The following ILDR2 variants were observed in gnomAD, a reference collection of about 807,000 sequenced individuals.
The protein encoded by ILDR2 is immunoglobulin-like domain-containing receptor 2.
In ILDR2, 25 loss-of-function variants were observed where a neutral mutation model predicts 66.8. The observed-to-expected ratio is 0.37, with a 90% CI of 0.27 to 0.52. The LOEUF (loss-of-function observed/expected upper bound fraction) is 0.52. Among genes scored for constraint, ILDR2 ranks in the 20% least tolerant of loss-of-function variants. ILDR2 has a pLI of 0.88. For synonymous variants in ILDR2, 367 were observed against 357.2 expected (o/e 1.03, Z -0.31); for missense variants, 827 against 876.8 (o/e 0.94, Z 0.72).
chr1:166,905,258 G>A (rs1245935374), downstream of ILDR2, among the ~76,000 whole-genome samples: 2 of 152,050 alleles, frequency 1.3e-5, no homozygotes, highest in South Asian at 4.1e-4. Context: ...ACGGTCAGCT[G>A]GCTCCATGTA....
rs146544194 is a variant in ILDR2, at chr1:166,957,921, C to T, written c.227G>A (p.Arg76Gln). ...GTTTCTCTTGCTGAGAGATTGGGCC[C>T]GGGTAGAGGACATGCCCAAGGATTC... ...MGESLGMSST[R>Q]AQSLSKRNLE... The change falls in exon 2 of 10, where the codon CGG becomes CAG. Residue 76 changes from arginine to glutamine, a missense_variant. Transcript: ENST00000271417. 2.9e-5 allele frequency: 47 copies of T among 1,614,138 alleles called. No homozygotes were observed. Among genetic ancestry groups the T allele is most frequent in the East Asian group, 6.7e-5 (3 of 44,866 alleles).
At chr1:166,922,933 TGGGTTGTA>T (rs1660045717) in intron 7 of ILDR2, 124 bp from the exon 8 acceptor site, 1 of 797,024 alleles carries the variant, frequency 1.3e-6, no homozygotes, top group Admixed American at 2.1e-5. Context: ...CTGTCCAGGG[TGGGTTGTA>T]AGCCTGAACT....
At chr1:166,899,645 T>C (rs1659229254) in intron 2 of ILDR2, among the ~76,000 whole-genome samples, 1 of 152,188 alleles carries the variant, frequency 6.6e-6, no homozygotes, top group Non-Finnish European at 1.5e-5. Flanking sequence ...TTTCAGAAAA[T>C]CAAATATTTC....
rs1205056070 is a variant in ILDR2 at position 166,910,562 on chromosome 1, T to C, written c.*8793A>G. ...AGTCACTCTCTTGGATGTGTGCCACTAGATGGCGTGTCAGACCAACTCACT... is the reference window on the plus strand; with the variant it reads ...AGTCACTCTCTTGGATGTGTGCCACCAGATGGCGTGTCAGACCAACTCACT... On this transcript the variant is annotated 3_prime_UTR_variant, in exon 10 of 10. Transcript: ENST00000271417. 1.3e-5 allele frequency: 2 copies of C among 152,344 alleles called. No homozygotes were observed. The highest frequency in any genetic ancestry group is 6.5e-5 in the Admixed American group (1 of 15,300). The allele number at this position is 152,344 out of a possible 1,614,324, so 9.4% of individuals were successfully genotyped here. A position where few individuals can be genotyped will look rare whatever the true frequency, so the allele number is the denominator to read the frequency against.
In ILDR2 at chr1:166,923,759, T is replaced by A. The variant is rs559938372; in HGVS notation, c.995-950A>T. 8.9e-4 allele frequency among the ~76,000 whole-genome samples: 135 copies of A among 152,258 alleles called. 3 individuals carry two copies. The highest frequency in any genetic ancestry group is 3.3e-4 in the Admixed American group (5 of 15,304). On this transcript the variant is annotated intron_variant, in intron 7 of 9. Transcript: ENST00000271417. ...GAATCACAGTCTGGAAAGGAAAAAA[T>A]AAACAAAAACTCAACTATTTATTTA...
At chr1:166,947,490 C>T (rs1661694086) in intron 3 of ILDR2, among the ~76,000 whole-genome samples, 1 of 152,216 alleles carries the variant, frequency 6.6e-6, no homozygotes, top group Admixed American at 6.5e-5. Context: ...TCAGCAAAGT[C>T]GGAGGCACAG....
At position 166,919,011 on chromosome 1, in the gene ILDR2, T is replaced by A. The variant is rs969254059; in HGVS notation, c.*344A>T. The A allele has an allele frequency of 2.4e-6, 1 of 414,880 alleles. No homozygotes were observed. Among genetic ancestry groups the A allele is most frequent in the Admixed American group, 4.0e-5 (1 of 24,822 alleles). 25.7% of individuals were successfully genotyped at this position (414,880 alleles called of 1,614,324 possible). Reference sequence around the variant, plus strand: ...GTAGGCATAGGCAATTTCTGGAGTTTAGCAGTCCAGAGCTAACTCTCTTTC... The same window carrying A: ...GTAGGCATAGGCAATTTCTGGAGTTAAGCAGTCCAGAGCTAACTCTCTTTC... On this transcript the variant is annotated 3_prime_UTR_variant, in exon 10 of 10. Transcript: ENST00000271417.
intron 6 of ILDR2, chr1:166,933,526 G>C (rs1660762260): frequency 2.0e-6 from 2 of 980,832 alleles, no homozygotes; most frequent in African/African-American, 3.5e-5. Context: ...GCCACTTCTA[G>C]TTACAATTGG....
At chr1:166,937,712 T>C (rs1661066216) in intron 4 of ILDR2, among the ~76,000 whole-genome samples, 1 of 152,214 alleles carries the variant, frequency 6.6e-6, no homozygotes, top group Non-Finnish European at 1.5e-5. Context: ...CTTTAGAGAC[T>C]TGGCTACAGG....
At chr1:166,901,474 G>A (rs1413558457) in intron 2 of ILDR2, among the ~76,000 whole-genome samples, 1 of 152,180 alleles carries the variant, frequency 6.6e-6, no homozygotes, top group East Asian at 1.9e-4. Context: ...GAGAGCAGGT[G>A]AGGCTTTGAC....
At chr1:166,954,016 T>C (rs942933751) in intron 3 of ILDR2, among the ~76,000 whole-genome samples, 5 of 152,224 alleles carry the variant, frequency 3.3e-5, no homozygotes, top group African/African-American at 7.2e-5. Context: ...AGACAGAGTA[T>C]GTTTCCATTC....
chr1:166,930,412 A>G (rs1660564834), intron 6 of ILDR2, among the ~76,000 whole-genome samples: 1 of 152,192 alleles, frequency 6.6e-6, no homozygotes, highest in Non-Finnish European at 1.5e-5. Context: ...AAATTCCTCT[A>G]ATTTGTCAAA....
rs1436691952 is a variant in ILDR2 at position 166,936,886 on chromosome 1, CAA to C, written c.557-151_557-150del. On this transcript the variant is annotated intron_variant, in intron 4 of 9. Transcript: ENST00000271417. This position sits in a 1 kb window ranked among gnomAD's most constrained non-coding sequence, Gnocchi z 5.0. Reference sequence around the variant, plus strand: ...TAACAGGAGACAGAGCCCCAACACTCAAGAGGAACTCTGAGAGTCAGGAGTGC... The same window carrying C: ...TAACAGGAGACAGAGCCCCAACACTCGAGGAACTCTGAGAGTCAGGAGTGC... 4.1e-6 allele frequency: 3 copies of C among 726,078 alleles called. No individual in the cohort carries two copies. The East Asian group carries it at 8.1e-5, about 20-fold the overall frequency. The allele number at this position is 726,078 out of a possible 1,614,324, so 45.0% of individuals were successfully genotyped here.
In ILDR2 at chr1:166,919,302, T is replaced by C; in HGVS notation, c.*53A>G. 1 of 1,532,878 alleles carries C rather than the reference T, an allele frequency of 6.5e-7. No individual in the cohort carries two copies. Among genetic ancestry groups the C allele is most frequent in the Non-Finnish European group, 9.0e-7 (1 of 1,110,602 alleles). The allele number at this position is 1,532,878 out of a possible 1,614,324, so 95.0% of individuals were successfully genotyped here. ...CCTGCTGGTTCTTAGATTTGTGTCT[T>C]GTCCCCGTAGTCCATGTCTGATTTC... is the stretch of plus-strand genomic sequence containing the variant. On this transcript the variant is annotated 3_prime_UTR_variant, in exon 10 of 10. Transcript: ENST00000271417.
At chr1:166,902,262 A>G (rs1484201052) in intron 2 of ILDR2, among the ~76,000 whole-genome samples, 1 of 152,238 alleles carries the variant, frequency 6.6e-6, no homozygotes, top group Non-Finnish European at 1.5e-5. Context: ...CACTTTACAG[A>G]TTAGGAAGAA....
rs892459842 is a variant in ILDR2, at chr1:166,918,794, T to C, written c.*561A>G. Reference sequence around the variant, plus strand: ...TTTCTGTGATTGTCCCAGAGGTCACTGTCACTGAGCTCACCAAAGGCCTTT... The same window carrying C: ...TTTCTGTGATTGTCCCAGAGGTCACCGTCACTGAGCTCACCAAAGGCCTTT... On this transcript the variant is annotated 3_prime_UTR_variant, in exon 10 of 10. Coordinates refer to ENST00000271417, the MANE Select transcript of ILDR2 (RefSeq NM_199351.3). 6.4e-6 allele frequency: 1 copy of C among 155,568 alleles called. No homozygotes were observed. The highest frequency in any genetic ancestry group is 2.4e-5 in the African/African-American group (1 of 41,608). 9.6% of individuals were successfully genotyped at this position (155,568 alleles called of 1,614,324 possible).
At chr1:166,961,455 A>T (rs558679108) in intron 1 of ILDR2, among the ~76,000 whole-genome samples, 1 of 152,362 alleles carries the variant, frequency 6.6e-6, no homozygotes, top group Admixed American at 6.5e-5. Context: ...TAAAAAATAC[A>T]TTCTCAGAAA....
intron 2 of ILDR2, among the ~76,000 whole-genome samples, chr1:166,896,580 A>G (rs1260143331): frequency 2.6e-5 from 4 of 151,312 alleles, no homozygotes; most frequent in African/African-American, 9.7e-5. Flanking sequence ...TGTTGAAATG[A>G]TATTTTAGAA....
Position 166,915,824 on chromosome 1 carries a change from T to A in ILDR2, c.*3531A>T, listed in dbSNP as rs1659620772. On this transcript the variant is annotated 3_prime_UTR_variant, in exon 10 of 10. Transcript: ENST00000271417. ...CTTTTCTCATCTCCAGTATGCCTAA[T>A]CCTATGTCAAGTGCACAGTGAGGAT... 2 of 152,206 alleles carry A rather than the reference T, an allele frequency of 1.3e-5. No homozygotes were observed. The highest frequency in any genetic ancestry group is 2.1e-4 in the South Asian group (1 of 4,826). 9.4% of individuals were successfully genotyped at this position (152,206 alleles called of 1,614,324 possible).
Sources: allele counts gnomAD v4.1 joint callset (sites outside exome capture counted in the v4.1 genomes callset), GRCh38; gene constraint gnomAD v4.1.1; non-coding constraint Gnocchi (gnomAD v3.1); transcripts MANE v1.5; gene names NCBI Gene and HGNC (gene_info 2026-07-23, HGNC 2026-07-21).